The following NALCN variants were observed in gnomAD, a reference collection of about 807,000 sequenced individuals.
NALCN encodes the protein sodium leak channel NALCN.
NALCN carries 111 observed loss-of-function variants against 225.3 expected under a neutral mutation model. The observed-to-expected ratio is 0.49, with a 90% CI of 0.42 to 0.58. The LOEUF (loss-of-function observed/expected upper bound fraction) is 0.58. NALCN is among the 20% of genes least tolerant of loss of function. The pLI is 0.00. For missense variants in NALCN, 1,378 were observed against 2,202.4 expected, an observed-to-expected ratio of 0.63 and a Z score of 7.49; for synonymous variants, 764 against 769.0, an observed-to-expected ratio of 0.99 and a Z score of 0.11.
intron 6 of NALCN, chr13:101,369,083 A>G (rs2046463327): frequency 3.3e-6 from 1 of 298,692 alleles, no homozygotes; most frequent in Non-Finnish European, 6.7e-6. Context: ...TGTGATTATG[A>G]GCAACATTAC....
At chr13:101,229,361 A>G (rs765690271) in intron 13 of NALCN, 32 bp downstream of exon 13, 1 of 1,492,578 alleles carries the variant, frequency 6.7e-7, no homozygotes, top group Admixed American at 2.4e-5. Context: ...AAGAACAATG[A>G]ATTTAACTTA....
At chr13:101,183,221 A>G (rs2039311268) in intron 14 of NALCN, among the ~76,000 whole-genome samples, 1 of 152,176 alleles carries the variant, frequency 6.6e-6, no homozygotes, top group South Asian at 2.1e-4. Flanking sequence ...CTACACTACC[A>G]CATGTTGCTG....
intron 9 of NALCN, among the ~76,000 whole-genome samples, chr13:101,287,026 A>T (rs77439416): frequency 6.6e-6 from 1 of 152,086 alleles, no homozygotes; most frequent in African/African-American, 2.4e-5. Context: ...TTTATAATCG[A>T]TAACTTATTG....
intron 1 of NALCN, among the ~76,000 whole-genome samples, chr13:101,404,136 C>T (rs1414465849): frequency 6.6e-6 from 1 of 152,176 alleles, no homozygotes; most frequent in Non-Finnish European, 1.5e-5. Flanking sequence ...AAGAGAGCCT[C>T]TAGTGTGGCG....
chr13:101,277,065 TAGAG>T lies in NALCN; in HGVS notation c.1134+6864_1134+6867del, dbSNP rs949880255. On this transcript the variant is annotated intron_variant, in intron 10 of 43. Transcript: ENST00000251127. ...ATGTTTGTGTATATATACACACACA[TAGAG>T]AGAGAGGGAGAAAGAGAGAATAAAT... is the stretch of plus-strand genomic sequence containing the variant. 2.2e-4 allele frequency among the ~76,000 whole-genome samples: 34 copies of T among 151,838 alleles called. No individual in the cohort carries two copies. In the South Asian group the frequency reaches 2.9e-3, roughly 13 times the overall value.
chr13:101,209,134 G>A (rs151216446), intron 13 of NALCN, among the ~76,000 whole-genome samples: 1 of 151,924 alleles, frequency 6.6e-6, no homozygotes, highest in African/African-American at 2.4e-5. Flanking sequence ...AATTATATTA[G>A]ATATATGTGG....
intron 17 of NALCN, among the ~76,000 whole-genome samples, chr13:101,134,595 T>C (rs762365145): frequency 1.1e-4 from 17 of 152,174 alleles, no homozygotes; most frequent in Non-Finnish European, 2.1e-4. Context: ...AAATAAGAAA[T>C]ATGAATGACG....
chr13:101,101,284 T>TTC (rs1354818047), intron 26 of NALCN, among the ~76,000 whole-genome samples: 4 of 140,456 alleles, frequency 2.8e-5, no homozygotes, highest in South Asian at 2.3e-4. Context: ...TTTTTTTCTT[T>TTC]TTTTTTTTTT....
At chr13:101,082,081 T>C (rs1312518447) in intron 33 of NALCN, among the ~76,000 whole-genome samples, 1 of 152,136 alleles carries the variant, frequency 6.6e-6, no homozygotes, top group Non-Finnish European at 1.5e-5. Flanking sequence ...TTTCACCACG[T>C]TGGCCAGGCT....
intron 1 of NALCN, among the ~76,000 whole-genome samples, chr13:101,400,354 G>A (rs536002443): frequency 6.6e-6 from 1 of 152,092 alleles, no homozygotes; most frequent in East Asian, 1.9e-4. Context: ...TTCTCAAGGC[G>A]GGTAACAGAA....
At chr13:101,077,110 T>C (rs1474472216) in intron 34 of NALCN, among the ~76,000 whole-genome samples, 1 of 152,164 alleles carries the variant, frequency 6.6e-6, no homozygotes, top group Non-Finnish European at 1.5e-5. Flanking sequence ...CCTGCCACCA[T>C]GTGGAGAAAG....
In NALCN at chr13:101,236,554, G is replaced by A. The variant is rs868542394; in HGVS notation, c.1434+1201C>T. On this transcript the variant is annotated intron_variant, in intron 12 of 43. Transcript: ENST00000251127. ...ATAGACTGGATTAAGAAAATGTGGC[G>A]CATATACACCATGGAATACTATGCA... 7.2e-4 allele frequency among the ~76,000 whole-genome samples: 109 copies of A among 152,038 alleles called. No individual in the cohort carries two copies. The Middle Eastern group carries it at 0.014, about 19-fold the overall frequency.
At chr13:101,165,518 G>A (rs1023201548) in intron 15 of NALCN, among the ~76,000 whole-genome samples, 82 of 152,302 alleles carry the variant, frequency 5.4e-4, no homozygotes, top group African/African-American at 1.9e-3. Context: ...TGCCCAGGCC[G>A]AAATGTAATG....
At chr13:101,087,540 A>G (rs966903144) in intron 30 of NALCN, among the ~76,000 whole-genome samples, 2 of 152,114 alleles carry the variant, frequency 1.3e-5, no homozygotes, top group African/African-American at 4.8e-5. Context: ...TAATTTAGCA[A>G]TTGATATCTC....
chr13:101,098,688 T>G (rs1383478170), intron 27 of NALCN, among the ~76,000 whole-genome samples: 1 of 152,142 alleles, frequency 6.6e-6, no homozygotes, highest in Non-Finnish European at 1.5e-5. Context: ...CTTTCCCCCT[T>G]TCTTTGGATT....
intron 33 of NALCN, 141 bp from the exon 34 acceptor site, chr13:101,081,787 T>G: frequency 8.8e-7 from 1 of 1,141,166 alleles, no homozygotes; most frequent in South Asian, 1.7e-5. Context: ...ACAGTATCTT[T>G]TCCATTGAAA....
chr13:101,406,366 C>A (rs57446744), intron 1 of NALCN, among the ~76,000 whole-genome samples: 3,408 of 152,110 alleles, frequency 0.022, 111 homozygotes, highest in East Asian at 0.11. Flanking sequence ...TATGTCATTC[C>A]ATTTTCACAA....
At chr13:101,105,634 T>TAAA (rs11405672) in intron 22 of NALCN, among the ~76,000 whole-genome samples, 1 of 151,852 alleles carries the variant, frequency 6.6e-6, no homozygotes, top group Non-Finnish European at 1.5e-5. Flanking sequence ...TAATTCAAGA[T>TAAA]AAAAAAAACG....
intron 13 of NALCN, among the ~76,000 whole-genome samples, chr13:101,203,418 T>C (rs2140048322): frequency 6.6e-6 from 1 of 152,278 alleles, no homozygotes; most frequent in South Asian, 2.1e-4. Flanking sequence ...GGTTTCACCA[T>C]GTTGGCCAGG....
Sources: gnomAD v4.1 joint callset for allele counts (sites outside exome capture counted in the v4.1 genomes callset) on GRCh38, gnomAD v4.1.1 for gene constraint, MANE v1.5 for transcripts, NCBI Gene and HGNC (gene_info 2026-07-23, HGNC 2026-07-21) for gene names.